The following RBM26 variants were observed in gnomAD, a reference collection of about 807,000 sequenced individuals.
The protein encoded by RBM26 is RNA-binding protein 26.
In RBM26, 30 loss-of-function variants were observed where a neutral mutation model predicts 123.6. The observed-to-expected ratio is 0.24, with a 90% CI of 0.18 to 0.33. The LOEUF (loss-of-function observed/expected upper bound fraction) is 0.33. RBM26 is among the 10% of genes least tolerant of loss of function. RBM26 has a pLI of 1.00. For missense variants in RBM26, 947 were observed against 1,203.6 expected (o/e 0.79, Z 3.15); for synonymous variants, 400 against 404.4 (o/e 0.99, Z 0.13).
intron 1 of RBM26, among the ~76,000 whole-genome samples, chr13:79,397,678 C>T (rs1309237408): frequency 6.5e-5 from 1 of 15,412 alleles, no homozygotes; most frequent in African/African-American, 3.2e-4. Flanking sequence ...CAGACTCCAT[C>T]TCAAAAAAAA....
intron 5 of RBM26, among the ~76,000 whole-genome samples, chr13:79,370,025 C>T (rs2075718350): frequency 6.6e-6 from 1 of 152,102 alleles, no homozygotes; most frequent in Non-Finnish European, 1.5e-5. Context: ...TTTTTAAAAA[C>T]TAGTCTGGGC....
rs2070899038 is a variant in RBM26 at position 79,338,882 on chromosome 13, G to A, written c.2533-1580C>T. 3.3e-5 allele frequency among the ~76,000 whole-genome samples: 5 copies of A among 152,302 alleles called. No individual in the cohort carries two copies. The South Asian group carries it at 8.3e-4, about 25-fold the overall frequency. On this transcript the variant is annotated intron_variant, in intron 18 of 21. Coordinates refer to ENST00000438737, the MANE Select transcript of RBM26 (RefSeq NM_001366735.2). Reference sequence around the variant, plus strand: ...ATATATAAAATTTGATAATTAATTAGATATAGATGCTGAAGCAAAGGGAGA... The same window carrying A: ...ATATATAAAATTTGATAATTAATTAAATATAGATGCTGAAGCAAAGGGAGA...
intron 3 of RBM26, chr13:79,376,979 C>G (rs1244803131): frequency 6.1e-6 from 1 of 164,424 alleles, no homozygotes; most frequent in Admixed American, 5.8e-5. Context: ...TTGGTACATA[C>G]TAGGTAGGCG....
At chr13:79,393,836 GT>G (rs1385642917) in intron 1 of RBM26, among the ~76,000 whole-genome samples, 1 of 152,190 alleles carries the variant, frequency 6.6e-6, no homozygotes, top group African/African-American at 2.4e-5. Flanking sequence ...AAACCGTGCA[GT>G]GCTTGGGGTT....
At chr13:79,391,555 C>T (rs1397581612) in intron 1 of RBM26, among the ~76,000 whole-genome samples, 2 of 151,960 alleles carry the variant, frequency 1.3e-5, no homozygotes, top group Non-Finnish European at 2.9e-5. Context: ...TCCCCTGTAG[C>T]TGGGATTACA....
At chr13:79,390,221 ATTATTG>A (rs2077838052) in intron 1 of RBM26, among the ~76,000 whole-genome samples, 1 of 152,192 alleles carries the variant, frequency 6.6e-6, no homozygotes, top group African/African-American at 2.4e-5. Flanking sequence ...TGAGAGCATT[ATTATTG>A]TTAACTACTG....
intron 19 of RBM26, among the ~76,000 whole-genome samples, chr13:79,336,125 C>G (rs2070343868): frequency 6.6e-6 from 1 of 152,130 alleles, no homozygotes; most frequent in Admixed American, 6.5e-5. Flanking sequence ...ACACCTAAGT[C>G]TGAATTTTCA....
chr13:79,332,791 T>C (rs1388128428), intron 20 of RBM26, among the ~76,000 whole-genome samples: 1 of 152,108 alleles, frequency 6.6e-6, no homozygotes, highest in Non-Finnish European at 1.5e-5. Context: ...ACGCCTAAGG[T>C]ACAAAAAGCA....
At chr13:79,362,696 C>A (rs1316622461) in intron 9 of RBM26, among the ~76,000 whole-genome samples, 1 of 152,154 alleles carries the variant, frequency 6.6e-6, no homozygotes, top group Non-Finnish European at 1.5e-5. Flanking sequence ...AATCTGTGAC[C>A]TATCCAACAT....
At chr13:79,393,461 C>A (rs543611753) in intron 1 of RBM26, among the ~76,000 whole-genome samples, 5 of 152,242 alleles carry the variant, frequency 3.3e-5, no homozygotes, top group Admixed American at 2.0e-4. Context: ...TCTCCTCGGT[C>A]GAATTCTTTC....
chr13:79,337,985 A>C (rs2070728898), intron 18 of RBM26, among the ~76,000 whole-genome samples: 1 of 152,200 alleles, frequency 6.6e-6, no homozygotes, highest in South Asian at 2.1e-4. Context: ...TAGGAGGCCG[A>C]GGCAGGCAGA....
chr13:79,402,550 CT>C (rs1312356649), intron 1 of RBM26, among the ~76,000 whole-genome samples: 12 of 151,986 alleles, frequency 7.9e-5, no homozygotes, highest in Admixed American at 7.9e-4. Context: ...CAACAAAGTC[CT>C]GTGTGATCTG....
At chr13:79,360,212 C>G (rs1426723026) in intron 9 of RBM26, among the ~76,000 whole-genome samples, 1 of 151,960 alleles carries the variant, frequency 6.6e-6, no homozygotes, top group African/African-American at 2.4e-5. Flanking sequence ...ACAGGTGTGA[C>G]TGTATAGGAA....
intron 19 of RBM26, 124 bp from the exon 20 acceptor site, chr13:79,334,554 G>A (rs1016647870): frequency 6.1e-6 from 3 of 491,624 alleles, no homozygotes; most frequent in Non-Finnish European, 1.1e-5. Flanking sequence ...AATTCATAAT[G>A]GTTAACAGAA....
At chr13:79,393,538 C>A (rs1029732411) in intron 1 of RBM26, among the ~76,000 whole-genome samples, 1 of 152,196 alleles carries the variant, frequency 6.6e-6, no homozygotes, top group African/African-American at 2.4e-5. Context: ...TACATCAGTT[C>A]CGCATGACTT....
intron 9 of RBM26, among the ~76,000 whole-genome samples, chr13:79,362,215 AATG>A (rs2074777673): frequency 6.6e-6 from 1 of 152,170 alleles, no homozygotes; most frequent in East Asian, 1.9e-4. Flanking sequence ...CTTCTCAATG[AATG>A]ATATTATCAT....
intron 14 of RBM26, among the ~76,000 whole-genome samples, chr13:79,349,085 G>A (rs147907085): frequency 1.3e-3 from 198 of 152,248 alleles, no homozygotes; most frequent in African/African-American, 4.4e-3. Context: ...TCAAGTCACC[G>A]TAAGTTGATG....
intron 21 of RBM26, among the ~76,000 whole-genome samples, chr13:79,321,703 G>C (rs2067688671): frequency 6.6e-6 from 1 of 151,270 alleles, no homozygotes; most frequent in Admixed American, 6.6e-5. Context: ...TTATGAAGCT[G>C]TTTTACTGCT....
chr13:79,389,901 C>T (rs1379261956), intron 1 of RBM26, among the ~76,000 whole-genome samples: 2 of 151,936 alleles, frequency 1.3e-5, no homozygotes, highest in South Asian at 2.1e-4. Flanking sequence ...TCTATGGAAC[C>T]ACTGGAAAGA....
Sources: gnomAD v4.1 joint callset for allele counts (sites outside exome capture counted in the v4.1 genomes callset) on GRCh38, gnomAD v4.1.1 for gene constraint, MANE v1.5 for transcripts, NCBI Gene and HGNC (gene_info 2026-07-23, HGNC 2026-07-21) for gene names.